Variants in ACSBG1 observed in about 807,000 individuals in gnomAD.
ACSBG1 encodes long-chain-fatty-acid--CoA ligase ACSBG1.
Under a neutral mutation model 80.2 loss-of-function variants are expected in ACSBG1, and 39 were observed. That is an observed-to-expected ratio of 0.49 (90% CI 0.38 to 0.64). The LOEUF is 0.64. Ranked by LOEUF, ACSBG1 falls within the 30% of genes least tolerant of loss-of-function variation. The pLI is 0.00. For missense variants in ACSBG1, 828 were observed against 966.4 expected (o/e 0.86, Z 1.90); for synonymous variants, 392 against 379.5 (o/e 1.03, Z -0.38).
At chr15:78,208,750 G>A (rs974181508) in intron 1 of ACSBG1, among the ~76,000 whole-genome samples, 2 of 152,060 alleles carry the variant, frequency 1.3e-5, no homozygotes, top group African/African-American at 2.4e-5. Context: ...GATCCCCCTC[G>A]CCTCCCAGGC....
rs138704770 is a variant in ACSBG1, at chr15:78,170,293, C to T, written c.*1151G>A. 4 of 152,244 alleles carry T rather than the reference C, an allele frequency of 2.6e-5. No homozygotes were observed. The highest frequency in any genetic ancestry group is 9.6e-5 in the African/African-American group (4 of 41,538). 9.4% of individuals were successfully genotyped at this position (152,244 alleles called of 1,614,324 possible). A position where few individuals can be genotyped will look rare whatever the true frequency, so the allele number is the denominator to read the frequency against. ...CCCCACAACCAAAGACAACTCATGGCCTCCTTTGGCCCTTGTGTAACATTG... is the reference window on the plus strand; with the variant it reads ...CCCCACAACCAAAGACAACTCATGGTCTCCTTTGGCCCTTGTGTAACATTG... On this transcript the variant is annotated 3_prime_UTR_variant, in exon 14 of 14. Transcript: ENST00000258873.
rs549922425 is a variant in ACSBG1, at chr15:78,174,129, T to C, written c.1842+256A>G. ...GGGTCCAAGTACCTGCAGAGAGCAA[T>C]GAGGGAGGGCAGCAGCACTTTGTAG... On this transcript the variant is annotated intron_variant, in intron 12 of 13. Transcript: ENST00000258873. 3.3e-5 allele frequency among the ~76,000 whole-genome samples: 5 copies of C among 152,220 alleles called. No homozygotes were observed. In the South Asian group the frequency reaches 8.3e-4, roughly 25 times the overall value.
rs28616259 is a variant in ACSBG1, at chr15:78,170,040, A to G, written c.*1404T>C. 1 of 152,246 alleles carries G rather than the reference A, an allele frequency of 6.6e-6. No homozygotes were observed. Among genetic ancestry groups the G allele is most frequent in the African/African-American group, 2.4e-5 (1 of 41,456 alleles). The allele number at this position is 152,246 out of a possible 1,614,324, so 9.4% of individuals were successfully genotyped here. On this transcript the variant is annotated 3_prime_UTR_variant, in exon 14 of 14. Transcript: ENST00000258873. ...AATTACTGCCCTCTGCCTCAGCAGT[A>G]CCAGTATAAGATGACATTCCAAAGA...
chr15:78,175,796 G>C (rs193201121), intron 11 of ACSBG1, among the ~76,000 whole-genome samples: 7 of 152,256 alleles, frequency 4.6e-5, no homozygotes, highest in Non-Finnish European at 1.0e-4. Flanking sequence ...ATCAGGGTTT[G>C]TCTAGGACAG....
rs183659834 is a variant in ACSBG1, at chr15:78,229,316, C to T, written c.131+5055G>A. On this transcript the variant is annotated intron_variant, in intron 1 of 13. Transcript: ENST00000258873. ...ACAGTAAAGAAACAAAAACATGAAA[C>T]AACTGTGTTTTTTACATAATGGGAA... Among the ~76,000 whole-genome samples the T allele has an allele frequency of 8.2e-4, 125 of 152,258 alleles. 1 individual carries two copies. The highest frequency in any genetic ancestry group is 2.9e-3 in the African/African-American group (121 of 41,560).
At chr15:78,202,663 C>T (rs28666532) in intron 2 of ACSBG1, among the ~76,000 whole-genome samples, 97 of 152,324 alleles carry the variant, frequency 6.4e-4, no homozygotes, top group African/African-American at 2.0e-3. Flanking sequence ...TACAATCAGG[C>T]AAACAGACAA....
chr15:78,169,052 C>G lies in ACSBG1; in HGVS notation c.*2392G>C. On this transcript the variant is annotated 3_prime_UTR_variant, in exon 14 of 14. Transcript: ENST00000258873. ...CATCAGTCACTCTAAATGGACACCA[C>G]ATGAACCTCTGTTTAGAATACCTAC... 8.5e-7 allele frequency: 1 copy of G among 1,180,436 alleles called. No homozygotes were observed. The highest frequency in any genetic ancestry group is 1.3e-6 in the Non-Finnish European group (1 of 795,566). The allele number at this position is 1,180,436 out of a possible 1,614,324, so 73.1% of individuals were successfully genotyped here. A position where few individuals can be genotyped will look rare whatever the true frequency, so the allele number is the denominator to read the frequency against.
rs1308132120 is a variant in ACSBG1, at chr15:78,173,778, A to T, written c.1904T>A (p.Phe635Tyr). ...TDNLTEQAME[F>Y]CQRVGSRATT... Reference sequence around the variant, plus strand: ...GGCTCTGCTGCCCACCCTCTGGCAGAACTCCATAGCTTGTTCAGTCAGATT... The same window carrying T: ...GGCTCTGCTGCCCACCCTCTGGCAGTACTCCATAGCTTGTTCAGTCAGATT... The change falls in exon 13 of 14, where the codon TTC becomes TAC. Residue 635 changes from phenylalanine to tyrosine, a missense_variant. By Grantham distance (22) the Phe-to-Tyr change is conservative. Coordinates refer to ENST00000258873, the MANE Select transcript of ACSBG1 (RefSeq NM_015162.5). 2 of 1,614,048 alleles carry T rather than the reference A, an allele frequency of 1.2e-6. No homozygotes were observed. Among genetic ancestry groups the T allele is most frequent in the Admixed American group, 3.3e-5 (2 of 59,988 alleles).
rs1246200813 is a variant in ACSBG1, at chr15:78,179,673, G to A, written c.1361C>T (p.Pro454Leu). 15 of 1,614,052 alleles carry A rather than the reference G, an allele frequency of 9.3e-6. No homozygotes were observed. Among genetic ancestry groups the A allele is most frequent in the Non-Finnish European group, 1.3e-5 (15 of 1,180,034 alleles). Reference protein sequence around the residue: ...KCQKNFYGAAPMMAETQHFFL... With the variant: ...KCQKNFYGAALMMAETQHFFL... Reference sequence around the variant, plus strand: ...GAAGTGCTGTGTCTCTGCCATCATGGGGGCCGCTCCATAGAAGTTCTTTTG... The same window carrying A: ...GAAGTGCTGTGTCTCTGCCATCATGAGGGCCGCTCCATAGAAGTTCTTTTG... The change falls in exon 10 of 14, where the codon CCC becomes CTC. Residue 454 changes from proline to leucine, a missense_variant. Physicochemically the swap from Pro to Leu is moderately conservative, Grantham distance 98. This residue lies in a region of ACSBG1 where 271 missense variants were observed against 375.9 expected (regional missense o/e 0.72). Coordinates refer to ENST00000258873, the MANE Select transcript of ACSBG1 (RefSeq NM_015162.5).
At chr15:78,207,925 ACC>A in intron 2 of ACSBG1, 75 bp downstream of exon 2, 2 of 454,978 alleles carry the variant, frequency 4.4e-6, no homozygotes, top group Non-Finnish European at 4.3e-6. Context: ...GGTCCCCCAC[ACC>A]ACCCACCCCT....
At chr15:78,179,848 C>CAT in intron 9 of ACSBG1, 68 bp from the exon 10 acceptor site, 3 of 1,226,986 alleles carry the variant, frequency 2.4e-6, no homozygotes, top group Non-Finnish European at 3.5e-6. Flanking sequence ...CACACATACA[C>CAT]ACATTAAAAG....
intron 1 of ACSBG1, among the ~76,000 whole-genome samples, chr15:78,212,033 G>A (rs958074050): frequency 7.2e-5 from 11 of 152,288 alleles, no homozygotes; most frequent in Admixed American, 4.6e-4. Flanking sequence ...ATAAGTTGAG[G>A]AGGACCCTCA....
intron 2 of ACSBG1, among the ~76,000 whole-genome samples, chr15:78,199,323 G>A (rs1334963750): frequency 6.6e-6 from 1 of 151,486 alleles, no homozygotes; most frequent in African/African-American, 2.4e-5. Context: ...GAGTTCAAAC[G>A]ATCCTCCAGC....
At chr15:78,191,122 G>C (rs1370884901) in intron 5 of ACSBG1, among the ~76,000 whole-genome samples, 1 of 152,184 alleles carries the variant, frequency 6.6e-6, no homozygotes, top group African/African-American at 2.4e-5. Flanking sequence ...ATATTAATTT[G>C]AGGCAAAATA....
At chr15:78,212,932 C>T (rs1446965718) in intron 1 of ACSBG1, among the ~76,000 whole-genome samples, 1 of 152,196 alleles carries the variant, frequency 6.6e-6, no homozygotes, top group Non-Finnish European at 1.5e-5. Context: ...CCATTCCCCA[C>T]AGCCAACTGA....
At chr15:78,198,026 A>C (rs984356244) in intron 2 of ACSBG1, among the ~76,000 whole-genome samples, 3 of 151,976 alleles carry the variant, frequency 2.0e-5, no homozygotes, top group African/African-American at 7.2e-5. Context: ...AGCATTTATA[A>C]TCTCTTTTTT....
At chr15:78,175,362 C>T (rs1202461881) in intron 11 of ACSBG1, among the ~76,000 whole-genome samples, 1 of 152,266 alleles carries the variant, frequency 6.6e-6, no homozygotes, top group Non-Finnish European at 1.5e-5. Flanking sequence ...ACATTCTGTG[C>T]ACAGGTCCTG....
chr15:78,213,887 A>G (rs1450501493), intron 1 of ACSBG1: 1 of 152,250 alleles, frequency 6.6e-6, no homozygotes, highest in Non-Finnish European at 1.5e-5. Flanking sequence ...AGGTTTTATT[A>G]GTAGTCGCAT....
chr15:78,178,988 G>A lies in ACSBG1; in HGVS notation c.1485-157C>T. The A allele has an allele frequency of 2.9e-6, 2 of 678,272 alleles. No individual in the cohort carries two copies. Among genetic ancestry groups the A allele is most frequent in the African/African-American group, 1.8e-5 (1 of 55,390 alleles). The allele number at this position is 678,272 out of a possible 1,614,324, so 42.0% of individuals were successfully genotyped here. The stretch of plus-strand genomic sequence containing the variant: ...TTTACAGGGGACTTACAGCTGAAAG[G>A]TAGAGCCAAGTAAAGGGTTTTAGGG... On this transcript the variant is annotated intron_variant, in intron 10 of 13. Coordinates refer to ENST00000258873, the MANE Select transcript of ACSBG1 (RefSeq NM_015162.5). This position sits in a 1 kb window ranked among gnomAD's most constrained non-coding sequence, Gnocchi z 4.3.
Sources: gnomAD v4.1 joint callset for allele counts (sites outside exome capture counted in the v4.1 genomes callset) on GRCh38, gnomAD v4.1.1 for gene constraint, gnomAD v4.1.1 regional missense constraint, Gnocchi (gnomAD v3.1) non-coding constraint, MANE v1.5 for transcripts, NCBI Gene and HGNC (gene_info 2026-07-23, HGNC 2026-07-21) for gene names.